ADGRG6: variants seen among roughly 807,000 people sequenced by gnomAD.
ADGRG6 encodes the protein adhesion G protein-coupled receptor G6, also known as G-protein coupled receptor 126.
ADGRG6 carries 84 observed loss-of-function variants against 142.4 expected under a neutral mutation model. The ratio of observed to expected loss-of-function variants is 0.59; its 90% CI spans 0.49 to 0.71. ADGRG6 has a LOEUF of 0.71. ADGRG6 is among the 30% of genes least tolerant of loss of function. The pLI is 0.00. For missense variants in ADGRG6, 1,367 were observed against 1,466.6 expected, an observed-to-expected ratio of 0.93 and a Z score of 1.11; for synonymous variants, 521 against 520.5, an observed-to-expected ratio of 1.00 and a Z score of -0.01.
chr6:142,363,834 T>C (rs1459680252), intron 2 of ADGRG6, among the ~76,000 whole-genome samples: 1 of 152,200 alleles, frequency 6.6e-6, no homozygotes, highest in African/African-American at 2.4e-5. Context: ...CAAAGCACTA[T>C]ATTTCATACT....
chr6:142,383,944 G>C (rs1781901404), intron 6 of ADGRG6, 101 bp downstream of exon 6: 2 of 661,500 alleles, frequency 3.0e-6, no homozygotes, highest in Non-Finnish European at 5.3e-6. Context: ...TCTGTTACTG[G>C]AGTCAATTGG....
At chr6:142,335,128 A>G (rs1437692202) in intron 2 of ADGRG6, among the ~76,000 whole-genome samples, 1 of 152,204 alleles carries the variant, frequency 6.6e-6, no homozygotes, top group Non-Finnish European at 1.5e-5. Flanking sequence ...ATTCTTGTTT[A>G]TTACAGGTGA....
intron 2 of ADGRG6, among the ~76,000 whole-genome samples, chr6:142,331,560 C>G (rs1779065268): frequency 6.6e-6 from 1 of 152,162 alleles, no homozygotes; most frequent in Non-Finnish European, 1.5e-5. Flanking sequence ...ATATTGTTAA[C>G]TTGATCTCAT....
rs1018015082 is a variant in ADGRG6 at position 142,446,198 on chromosome 6, G to T, written c.*2683G>T. ...AGTAAGAAGCTACTCTAGCTAATTTGCCATTTTACTTAAATGGAAAATGTT... is the reference window on the plus strand; with the variant it reads ...AGTAAGAAGCTACTCTAGCTAATTTTCCATTTTACTTAAATGGAAAATGTT... On this transcript the variant is annotated 3_prime_UTR_variant, in exon 25 of 25. Coordinates refer to ENST00000367609, the MANE Select transcript of ADGRG6 (RefSeq NM_198569.3). 5 of 152,572 alleles carry T rather than the reference G, an allele frequency of 3.3e-5. No homozygotes were observed. Among genetic ancestry groups the T allele is most frequent in the African/African-American group, 1.2e-4 (5 of 41,438 alleles). 9.5% of individuals were successfully genotyped at this position (152,572 alleles called of 1,614,324 possible).
At chr6:142,316,403 A>G (rs1778070188) in intron 2 of ADGRG6, among the ~76,000 whole-genome samples, 1 of 152,130 alleles carries the variant, frequency 6.6e-6, no homozygotes, top group African/African-American at 2.4e-5. Context: ...GTTTGGGCAA[A>G]ACTACAAGAA....
Position 142,417,306 on chromosome 6 carries a change from C to G in ADGRG6, c.2972C>G (p.Ala991Gly). Reference sequence around the variant, plus strand: ...GCCTTAGTGGTGTCAGTTGTTCTAGCGAGCAGAAACAACAATGAAGTCTAT... The same window carrying G: ...GCCTTAGTGGTGTCAGTTGTTCTAGGGAGCAGAAACAACAATGAAGTCTAT... ...LPALVVSVVLASRNNNEVYGK... is the reference protein window; with the variant it reads ...LPALVVSVVLGSRNNNEVYGK... Residue 991 changes from alanine (A) to glycine (G), a missense_variant, in exon 21 of 25, where the codon GCG becomes GGG. By Grantham distance (60) the Ala-to-Gly change is moderately conservative. Around this residue, in one of 3 missense-constraint regions of ADGRG6, gnomAD observed 344 missense variants for 348.7 expected, o/e 0.99. Coordinates refer to ENST00000367609, the MANE Select transcript of ADGRG6 (RefSeq NM_198569.3). 2 of 1,603,284 alleles carry G rather than the reference C, an allele frequency of 1.2e-6. No individual in the cohort carries two copies. The highest frequency in any genetic ancestry group is 1.7e-5 in the Admixed American group (1 of 59,654).
intron 2 of ADGRG6, among the ~76,000 whole-genome samples, chr6:142,326,843 T>C (rs1211660470): frequency 6.6e-6 from 1 of 152,028 alleles, no homozygotes; most frequent in Non-Finnish European, 1.5e-5. Flanking sequence ...CTGAACCCTT[T>C]TTGTAGACTT....
chr6:142,370,739 G>T lies in ADGRG6; in HGVS notation c.1015G>T (p.Asp339Tyr). The T allele has an allele frequency of 6.2e-7, 1 of 1,613,430 alleles. No individual in the cohort carries two copies. The highest frequency in any genetic ancestry group is 1.1e-5 in the South Asian group (1 of 91,040). Residue 339 changes from aspartate to tyrosine, a missense_variant, in exon 4 of 25, where the codon GAC becomes TAC. By Grantham distance (160) the Asp-to-Tyr change is radical. This residue lies in a region of ADGRG6 where 737 missense variants were observed against 746.5 expected (regional missense o/e 0.99). Transcript: ENST00000367609. Reference sequence around the variant, plus strand: ...AGGGAATGTAGTCGACTGGCAAAATGACTTCTGGAATATCCCAAACCTAGC... The same window carrying T: ...AGGGAATGTAGTCGACTGGCAAAATTACTTCTGGAATATCCCAAACCTAGC... ...VKGNVVDWQN[D>Y]FWNIPNLALK...
In ADGRG6 at chr6:142,302,318, A is replaced by C; in HGVS notation, c.-12A>C. On this transcript the variant is annotated 5_prime_UTR_variant, in exon 1 of 25. Transcript: ENST00000367609. ...TTGCGGCCAAAGGGGACCTCGGCGCAGTAATGTCAACATGTAAGTCTCACC... is the reference window on the plus strand; with the variant it reads ...TTGCGGCCAAAGGGGACCTCGGCGCCGTAATGTCAACATGTAAGTCTCACC... 6.2e-7 allele frequency: 1 copy of C among 1,613,086 alleles called. No homozygotes were observed. The highest frequency in any genetic ancestry group is 8.5e-7 in the Non-Finnish European group (1 of 1,179,456).
intron 2 of ADGRG6, among the ~76,000 whole-genome samples, chr6:142,336,833 G>A (rs1779340243): frequency 6.6e-6 from 1 of 152,204 alleles, no homozygotes; most frequent in African/African-American, 2.4e-5. Context: ...ATGGATATAA[G>A]AACTGAAGTG....
rs78705175 is a variant in ADGRG6, at chr6:142,345,791, G to A, written c.104-21778G>A. ...TTTCCTTTATTACATGGTTAAATTTGACTATTTCAGTAGTCAAACTTTTAA... is the reference window on the plus strand; with the variant it reads ...TTTCCTTTATTACATGGTTAAATTTAACTATTTCAGTAGTCAAACTTTTAA... On this transcript the variant is annotated intron_variant, in intron 2 of 24. Transcript: ENST00000367609. Among the ~76,000 whole-genome samples, 1,160 of 152,188 alleles carry A rather than the reference G, an allele frequency of 7.6e-3. 13 individuals carry two copies. The highest frequency in any genetic ancestry group is 0.027 in the African/African-American group (1,106 of 41,544).
chr6:142,400,690 G>T (rs1234531263), intron 11 of ADGRG6, 94 bp downstream of exon 11: 4 of 687,656 alleles, frequency 5.8e-6, no homozygotes, highest in Non-Finnish European at 1.1e-5. Context: ...GCATTATATT[G>T]ATTGCAAAGA....
At chr6:142,337,718 A>G (rs1190745793) in intron 2 of ADGRG6, among the ~76,000 whole-genome samples, 2 of 152,142 alleles carry the variant, frequency 1.3e-5, no homozygotes, top group Non-Finnish European at 2.9e-5. Context: ...TGTTGGTTGC[A>G]GTCAAGTTAT....
At chr6:142,422,529 G>A (rs1438508402) in intron 22 of ADGRG6, among the ~76,000 whole-genome samples, 10 of 152,154 alleles carry the variant, frequency 6.6e-5, no homozygotes, top group Non-Finnish European at 1.5e-4. Context: ...ACTCCATGGT[G>A]TATATGTGCC....
At position 142,323,116 on chromosome 6, in the gene ADGRG6, CTT is replaced by C. The variant is rs563477299; in HGVS notation, c.103+13473_103+13474del. Among the ~76,000 whole-genome samples the C allele has an allele frequency of 6.1e-4, 71 of 115,496 alleles. No individual in the cohort carries two copies. In the East Asian group the frequency reaches 0.016, roughly 26 times the overall value. The allele number at this position is 115,496 out of a possible 152,430, so 75.8% of individuals were successfully genotyped here. On this transcript the variant is annotated intron_variant, in intron 2 of 24. Coordinates refer to ENST00000367609, the MANE Select transcript of ADGRG6 (RefSeq NM_198569.3). ...TATCTGTACCCCTGTATAAATGTCA[CTT>C]ATTTTTTTTTTTTTTGCCTATGAAG...
intron 24 of ADGRG6, among the ~76,000 whole-genome samples, chr6:142,442,620 C>A (rs896148835): frequency 3.3e-5 from 5 of 151,810 alleles, no homozygotes; most frequent in African/African-American, 9.7e-5. Flanking sequence ...ATAAATAAAT[C>A]ATTTTCTATT....
At chr6:142,338,796 A>T (rs1457054955) in intron 2 of ADGRG6, among the ~76,000 whole-genome samples, 1 of 152,216 alleles carries the variant, frequency 6.6e-6, no homozygotes, top group East Asian at 1.9e-4. Context: ...TTAATTAAAA[A>T]TAGTAATGCC....
chr6:142,358,660 A>G (rs1464554729), intron 2 of ADGRG6, among the ~76,000 whole-genome samples: 1 of 152,210 alleles, frequency 6.6e-6, no homozygotes, highest in Non-Finnish European at 1.5e-5. Flanking sequence ...TAATCCCAGC[A>G]CTTTGGGAGG....
rs557371608 is a variant in ADGRG6 at position 142,391,854 on chromosome 6, G to A, written c.1309-1094G>A. Among the ~76,000 whole-genome samples the A allele has an allele frequency of 1.4e-4, 21 of 151,878 alleles. No individual in the cohort carries two copies. The South Asian group carries it at 4.2e-3, about 30-fold the overall frequency. On this transcript the variant is annotated intron_variant, in intron 7 of 24. Coordinates refer to ENST00000367609, the MANE Select transcript of ADGRG6 (RefSeq NM_198569.3). The stretch of plus-strand genomic sequence containing the variant: ...TATTTTCATTCTCAAATAAGCTACT[G>A]TTAGCTTATTTGTGCAAATAATGGG...
Sources: allele counts gnomAD v4.1 joint callset (sites outside exome capture counted in the v4.1 genomes callset), GRCh38; gene constraint gnomAD v4.1.1; regional missense constraint gnomAD v4.1.1; transcripts MANE v1.5; gene names NCBI Gene and HGNC (gene_info 2026-07-23, HGNC 2026-07-21).